The following NTNG2 variants were observed in gnomAD, a reference collection of about 807,000 sequenced individuals.
The protein encoded by NTNG2 is netrin-G2.
Under a neutral mutation model 47.6 loss-of-function variants are expected in NTNG2, and 15 were observed. That is an observed-to-expected ratio of 0.32 (90% CI 0.21 to 0.49). The LOEUF (loss-of-function observed/expected upper bound fraction) is 0.49. NTNG2 is among the 20% of genes least tolerant of loss of function. The probability of loss-of-function intolerance (pLI) is 0.99; values close to 1 mark genes in which losing one functional copy is unlikely to be tolerated. For synonymous variants in NTNG2, 307 were observed against 324.6 expected, an observed-to-expected ratio of 0.95 and a Z score of 0.58; for missense variants, 578 against 764.6, an observed-to-expected ratio of 0.76 and a Z score of 2.88.
intron 5 of NTNG2, among the ~76,000 whole-genome samples, chr9:132,237,504 C>T (rs1401493014): frequency 6.6e-6 from 1 of 152,210 alleles, no homozygotes; most frequent in Admixed American, 6.5e-5. Context: ...TCAAGTGATG[C>T]CTATTGAAGA....
In NTNG2 at chr9:132,216,414, C is replaced by CTCTCTCTCTCTGTGTGTGTG. The variant is rs1554790515; in HGVS notation, c.858-10434_858-10433insCTCTCTCTCTGTGTGTGTGT. Among the ~76,000 whole-genome samples the CTCTCTCTCTCTGTGTGTGTG allele has an allele frequency of 4.3e-4, 47 of 110,326 alleles. 1 individual carries two copies. Among genetic ancestry groups the CTCTCTCTCTCTGTGTGTGTG allele is most frequent in the African/African-American group, 2.3e-3 (47 of 20,544 alleles). 72.4% of individuals were successfully genotyped at this position (110,326 alleles called of 152,430 possible). On this transcript the variant is annotated intron_variant, in intron 3 of 7. Transcript: ENST00000393229. ...TCTCTCTCTCTCTCTCTCTCTCTCT[C>CTCTCTCTCTCTGTGTGTGTG]TGTGTGTGTGTGTATGTGTGTGTGT...
rs1392578521 is a variant in NTNG2, at chr9:132,163,163, C to T, written c.-484+924C>T. ...TACGGGCTTAATTATTAATTGCTGCCGTGGCTTGCACGCAACTTTGGGAAG... is the reference window on the plus strand; with the variant it reads ...TACGGGCTTAATTATTAATTGCTGCTGTGGCTTGCACGCAACTTTGGGAAG... On this transcript the variant is annotated intron_variant, in intron 1 of 7. Coordinates refer to ENST00000393229, the MANE Select transcript of NTNG2 (RefSeq NM_032536.4). This position sits in a 1 kb window ranked among gnomAD's most constrained non-coding sequence, Gnocchi z 7.2. Among the ~76,000 whole-genome samples, 1 of 152,166 alleles carries T rather than the reference C, an allele frequency of 6.6e-6. No homozygotes were observed. The highest frequency in any genetic ancestry group is 2.4e-5 in the African/African-American group (1 of 41,456).
chr9:132,229,121 C>T (rs1442734989), intron 4 of NTNG2, among the ~76,000 whole-genome samples: 1 of 152,086 alleles, frequency 6.6e-6, no homozygotes, highest in African/African-American at 2.4e-5. Context: ...CCTTTGAGGC[C>T]CCCAAGCCCC....
intron 3 of NTNG2, among the ~76,000 whole-genome samples, chr9:132,210,607 C>T (rs1839520046): frequency 6.6e-6 from 1 of 152,210 alleles, no homozygotes; most frequent in Non-Finnish European, 1.5e-5. Flanking sequence ...GGGTCTGTGG[C>T]CATGACACCC....
rs1247136285 is a variant in NTNG2 at position 132,162,186 on chromosome 9, T to A, written c.-537T>A. The A allele has an allele frequency of 2.0e-5, 3 of 151,444 alleles. No homozygotes were observed. The highest frequency in any genetic ancestry group is 2.4e-5 in the African/African-American group (1 of 40,986). 9.4% of individuals were successfully genotyped at this position (151,444 alleles called of 1,614,324 possible). A position where few individuals can be genotyped will look rare whatever the true frequency, so the allele number is the denominator to read the frequency against. Reference sequence around the variant, plus strand: ...AGGGGGGAGGCGCAGCGCCGGAGGGTGGCGGTCCTCGGCCCTCCCAGGTCT... The same window carrying A: ...AGGGGGGAGGCGCAGCGCCGGAGGGAGGCGGTCCTCGGCCCTCCCAGGTCT... On this transcript the variant is annotated 5_prime_UTR_variant, in exon 1 of 8. Coordinates refer to ENST00000393229, the MANE Select transcript of NTNG2 (RefSeq NM_032536.4). This position sits in a 1 kb window ranked among gnomAD's most constrained non-coding sequence, Gnocchi z 4.6.
rs1842070948 is a variant in NTNG2 at position 132,242,924 on chromosome 9, C to G, written c.*813C>G. 6.6e-6 allele frequency: 1 copy of G among 152,174 alleles called. No homozygotes were observed. The highest frequency in any genetic ancestry group is 1.5e-5 in the Non-Finnish European group (1 of 68,038). 9.4% of individuals were successfully genotyped at this position (152,174 alleles called of 1,614,324 possible). A position where few individuals can be genotyped will look rare whatever the true frequency, so the allele number is the denominator to read the frequency against. Reference sequence around the variant, plus strand: ...CAACACAGCCTTAAAGAAACGGTTTCCCTACTGGGGCCACCATTTCCCTGG... The same window carrying G: ...CAACACAGCCTTAAAGAAACGGTTTGCCTACTGGGGCCACCATTTCCCTGG... On this transcript the variant is annotated 3_prime_UTR_variant, in exon 8 of 8. Coordinates refer to ENST00000393229, the MANE Select transcript of NTNG2 (RefSeq NM_032536.4). This position sits in a 1 kb window ranked among gnomAD's most constrained non-coding sequence, Gnocchi z 5.9.
intron 2 of NTNG2, among the ~76,000 whole-genome samples, chr9:132,175,927 GAC>G (rs777908381): frequency 1.3e-5 from 2 of 152,122 alleles, no homozygotes; most frequent in African/African-American, 2.4e-5. Context: ...CAAAACAGTG[GAC>G]TCCAGTGCAG....
At chr9:132,167,127 C>T in intron 2 of NTNG2, 83 bp downstream of exon 2, 1 of 1,446,030 alleles carries the variant, frequency 6.9e-7, no homozygotes, top group South Asian at 1.2e-5. Flanking sequence ...ACGAGCAGAG[C>T]TGGAGGACTG....
At chr9:132,235,873 G>A (rs1472750435) in intron 5 of NTNG2, among the ~76,000 whole-genome samples, 1 of 152,212 alleles carries the variant, frequency 6.6e-6, no homozygotes, top group Non-Finnish European at 1.5e-5. Flanking sequence ...GGGCACGGGT[G>A]TAGAATGTCG....
At chr9:132,234,734 A>C (rs1414643540) in intron 5 of NTNG2, among the ~76,000 whole-genome samples, 1 of 152,260 alleles carries the variant, frequency 6.6e-6, no homozygotes, top group Non-Finnish European at 1.5e-5. Context: ...AAATGCCTTC[A>C]GGGCTGGCTT....
rs1392676079 is a variant in NTNG2 at position 132,225,000 on chromosome 9, A to T, written c.858-1849A>T. ...TGCAGTGGTGCAATGGCTCACTGCA[A>T]CCTCTGCCTCCTGGGTTCAAGCGAT... is the stretch of plus-strand genomic sequence containing the variant. On this transcript the variant is annotated intron_variant, in intron 3 of 7. Transcript: ENST00000393229. Among the ~76,000 whole-genome samples the T allele has an allele frequency of 3.3e-5, 5 of 151,698 alleles. No homozygotes were observed. In the East Asian group the frequency reaches 9.7e-4, roughly 30 times the overall value.
chr9:132,216,414 C>CTCTCTGTG lies in NTNG2; in HGVS notation c.858-10434_858-10433insCTCTGTGT, dbSNP rs1554790515. On this transcript the variant is annotated intron_variant, in intron 3 of 7. Coordinates refer to ENST00000393229, the MANE Select transcript of NTNG2 (RefSeq NM_032536.4). The stretch of plus-strand genomic sequence containing the variant: ...TCTCTCTCTCTCTCTCTCTCTCTCT[C>CTCTCTGTG]TGTGTGTGTGTGTATGTGTGTGTGT... 1.0e-3 allele frequency among the ~76,000 whole-genome samples: 113 copies of CTCTCTGTG among 110,326 alleles called. 4 individuals are homozygous for CTCTCTGTG. The highest frequency in any genetic ancestry group is 4.9e-3 in the East Asian group (19 of 3,914). 72.4% of individuals were successfully genotyped at this position (110,326 alleles called of 152,430 possible). A position where few individuals can be genotyped will look rare whatever the true frequency, so the allele number is the denominator to read the frequency against.
Position 132,218,738 on chromosome 9 carries a change from A to C in NTNG2, c.858-8111A>C, listed in dbSNP as rs1460352049. ...TCTCGAACTCCTGACCTCAGGTGAT[A>C]CACCCGCCTCGGCTTCCCAAAGTGC... On this transcript the variant is annotated intron_variant, in intron 3 of 7. Transcript: ENST00000393229. This position sits in a 1 kb window ranked among gnomAD's most constrained non-coding sequence, Gnocchi z 5.4. 1.3e-5 allele frequency among the ~76,000 whole-genome samples: 2 copies of C among 152,150 alleles called. No individual in the cohort carries two copies. Among genetic ancestry groups the C allele is most frequent in the Non-Finnish European group, 2.9e-5 (2 of 67,986 alleles).
chr9:132,220,610 C>T (rs1217024168), intron 3 of NTNG2, among the ~76,000 whole-genome samples: 1 of 152,040 alleles, frequency 6.6e-6, no homozygotes, highest in Admixed American at 6.6e-5. Context: ...CCCACCACCA[C>T]ACCTGGCTAA....
rs1836868753 is a variant in NTNG2, at chr9:132,180,714, T to C, written c.213+13670T>C. Among the ~76,000 whole-genome samples the C allele has an allele frequency of 6.6e-6, 1 of 151,978 alleles. No homozygotes were observed. The highest frequency in any genetic ancestry group is 2.1e-4 in the South Asian group (1 of 4,822). ...AGAGAGAGAGAAAGAGAAAGAACGA[T>C]AGAGAGATGCAATAACCTCCCAGCA... On this transcript the variant is annotated intron_variant, in intron 2 of 7. Transcript: ENST00000393229. The surrounding 1 kb of genome is among the most constrained non-coding windows in gnomAD (Gnocchi z 4.2).
chr9:132,207,461 G>A (rs115141786), intron 3 of NTNG2, among the ~76,000 whole-genome samples: 3,377 of 152,296 alleles, frequency 0.022, 121 homozygotes, highest in African/African-American at 0.075. Flanking sequence ...TCCGCTCCCT[G>A]AGCATCTGTC....
At position 132,239,397 on chromosome 9, in the gene NTNG2, C is replaced by G. The variant is rs1392799952; in HGVS notation, c.1222+126C>G. Reference sequence around the variant, plus strand: ...GGGGAGACTGTGGGAATTCTAACTCCAGGGCCCTCTCCAGTTGAGCATCTC... The same window carrying G: ...GGGGAGACTGTGGGAATTCTAACTCGAGGGCCCTCTCCAGTTGAGCATCTC... On this transcript the variant is annotated intron_variant, in intron 6 of 7. Coordinates refer to ENST00000393229, the MANE Select transcript of NTNG2 (RefSeq NM_032536.4). The G allele has an allele frequency of 1.2e-5, 10 of 859,260 alleles. No homozygotes were observed. In the East Asian group the frequency reaches 1.8e-4, roughly 16 times the overall value. 53.2% of individuals were successfully genotyped at this position (859,260 alleles called of 1,614,324 possible). A position where few individuals can be genotyped will look rare whatever the true frequency, so the allele number is the denominator to read the frequency against.
intron 3 of NTNG2, among the ~76,000 whole-genome samples, chr9:132,212,026 C>T (rs974097249): frequency 1.3e-5 from 2 of 152,184 alleles, no homozygotes; most frequent in African/African-American, 4.8e-5. Flanking sequence ...AAGAAAGAGA[C>T]TGGAATATAG....
At position 132,241,907 on chromosome 9, in the gene NTNG2, C is replaced by T; in HGVS notation, c.1389C>T (p.Cys463=). ...PNVCDDDQLL[C]QNGGTCLQNQ... is the part of the protein sequence containing the mutation. ...TGTGCGACGACGACCAGCTGCTGTG[C>T]CAGAACGGAGGCACCTGCCTGCAGA... Residue 463 remains cysteine (C), a synonymous_variant, in exon 8 of 8, where the codon TGC becomes TGT. Transcript: ENST00000393229. 6.3e-7 allele frequency: 1 copy of T among 1,577,498 alleles called. No individual in the cohort carries two copies. Among genetic ancestry groups the T allele is most frequent in the Non-Finnish European group, 8.6e-7 (1 of 1,168,428 alleles).
Sources: gnomAD v4.1 joint callset for allele counts (sites outside exome capture counted in the v4.1 genomes callset) on GRCh38, gnomAD v4.1.1 for gene constraint, Gnocchi (gnomAD v3.1) non-coding constraint, MANE v1.5 for transcripts, NCBI Gene and HGNC (gene_info 2026-07-23, HGNC 2026-07-21) for gene names.